The following SINHCAF variants were observed in gnomAD, a reference collection of about 807,000 sequenced individuals.
SINHCAF encodes SIN3-HDAC complex-associated factor.
Under a neutral mutation model 25.8 loss-of-function variants are expected in SINHCAF, and 3 were observed. That is an observed-to-expected ratio of 0.12 (90% CI 0.05 to 0.30). The LOEUF is 0.30. SINHCAF is among the 10% of genes least tolerant of loss of function. The probability of loss-of-function intolerance (pLI) is 1.00; values close to 1 mark genes in which losing one functional copy is unlikely to be tolerated. For synonymous variants in SINHCAF, 70 were observed against 85.5 expected (o/e 0.82, Z 1.00); for missense variants, 121 against 262.3 (o/e 0.46, Z 3.72).
At chr12:31,311,843 C>A in intron 1 of SINHCAF, 1 of 478,816 alleles carries the variant, frequency 2.1e-6, no homozygotes, top group Non-Finnish European at 4.1e-6. Flanking sequence ...AATGTTGTCC[C>A]AGCGTTGATG....
intron 1 of SINHCAF, among the ~76,000 whole-genome samples, chr12:31,300,967 C>T (rs1160743059): frequency 6.6e-6 from 1 of 152,152 alleles, no homozygotes; most frequent in Non-Finnish European, 1.5e-5. Context: ...AATCCTATTA[C>T]GACAGACAGA....
At chr12:31,287,354 A>G (rs1938123599) in intron 5 of SINHCAF, among the ~76,000 whole-genome samples, 2 of 152,112 alleles carry the variant, frequency 1.3e-5, no homozygotes, top group Non-Finnish European at 2.9e-5. Context: ...TTGAAGGACC[A>G]ACTCTTAGTT....
chr12:31,323,626 T>C (rs147149501), intron 1 of SINHCAF, among the ~76,000 whole-genome samples: 4 of 152,168 alleles, frequency 2.6e-5, no homozygotes, highest in Non-Finnish European at 4.4e-5. Flanking sequence ...CAGAACAAAC[T>C]GCACCGCCCT....
At chr12:31,303,852 AATTAAATAG>A (rs1399772354) in intron 1 of SINHCAF, 2 of 152,230 alleles carry the variant, frequency 1.3e-5, no homozygotes, top group African/African-American at 4.8e-5. Context: ...ATAGGAAGCC[AATTAAATAG>A]ATCATTGAGA....
At chr12:31,319,974 C>T (rs1391819159) in intron 1 of SINHCAF, among the ~76,000 whole-genome samples, 3 of 152,160 alleles carry the variant, frequency 2.0e-5, no homozygotes, top group Non-Finnish European at 4.4e-5. Context: ...CTCTGCATGG[C>T]CCTCCATCAA....
chr12:31,300,574 AT>A (rs1007784039), intron 1 of SINHCAF, among the ~76,000 whole-genome samples: 1 of 151,910 alleles, frequency 6.6e-6, no homozygotes, highest in Admixed American at 6.6e-5. Flanking sequence ...AATGAGGCAG[AT>A]TTTTTTTTCT....
At chr12:31,291,986 C>T (rs779565229) in intron 4 of SINHCAF, among the ~76,000 whole-genome samples, 1 of 152,176 alleles carries the variant, frequency 6.6e-6, no homozygotes. Flanking sequence ...AATCTACACA[C>T]CTTATTATCA....
intron 1 of SINHCAF, among the ~76,000 whole-genome samples, chr12:31,305,696 A>ATTTTTTTTTTTT (rs751436938): frequency 7.6e-6 from 1 of 130,796 alleles, no homozygotes; most frequent in Non-Finnish European, 1.6e-5. Context: ...ATATAGGCCA[A>ATTTTTTTTTTTT]TTTTTTTTTT....
chr12:31,287,829 A>T, intron 4 of SINHCAF, 45 bp from the exon 5 acceptor site: 1 of 1,435,924 alleles, frequency 7.0e-7, no homozygotes, highest in Non-Finnish European at 9.6e-7. Flanking sequence ...CAATTTCATT[A>T]CATGTAATTG....
At chr12:31,291,935 A>G (rs1938347757) in intron 4 of SINHCAF, among the ~76,000 whole-genome samples, 1 of 152,226 alleles carries the variant, frequency 6.6e-6, no homozygotes, top group Non-Finnish European at 1.5e-5. Flanking sequence ...AGCAATTTAT[A>G]CTGTACCTGG....
chr12:31,298,067 G>A lies in SINHCAF; in HGVS notation c.128+10C>T, dbSNP rs559259201. 15 of 1,613,114 alleles carry A rather than the reference G, an allele frequency of 9.3e-6. No individual in the cohort carries two copies. In the African/African-American group the frequency reaches 1.2e-4, roughly 13 times the overall value. Reference sequence around the variant, plus strand: ...ACTCTAAGAATAGTACAAACATCAGGTGATCTTACCCAAAACAGCTCTGGA... The same window carrying A: ...ACTCTAAGAATAGTACAAACATCAGATGATCTTACCCAAAACAGCTCTGGA... On this transcript the variant is annotated intron_variant, in intron 2 of 5. Coordinates refer to ENST00000337682, the MANE Select transcript of SINHCAF (RefSeq NM_001135812.2).
At chr12:31,314,224 T>C (rs1426523711) in intron 1 of SINHCAF, among the ~76,000 whole-genome samples, 1 of 151,508 alleles carries the variant, frequency 6.6e-6, no homozygotes, top group African/African-American at 2.4e-5. Flanking sequence ...CCTGGAGAGT[T>C]AGAAAGATGA....
chr12:31,318,910 T>C (rs1229684950), intron 1 of SINHCAF, among the ~76,000 whole-genome samples: 1 of 152,230 alleles, frequency 6.6e-6, no homozygotes, highest in Non-Finnish European at 1.5e-5. Context: ...ATTCTGTTTA[T>C]TTCCTTGAAT....
chr12:31,306,141 T>A (rs935306582), intron 1 of SINHCAF, among the ~76,000 whole-genome samples: 1 of 152,188 alleles, frequency 6.6e-6, no homozygotes, highest in Non-Finnish European at 1.5e-5. Flanking sequence ...GGATGGGCAA[T>A]TGCATTACCC....
At chr12:31,313,395 G>A (rs988267508) in intron 1 of SINHCAF, among the ~76,000 whole-genome samples, 1 of 152,160 alleles carries the variant, frequency 6.6e-6, no homozygotes, top group African/African-American at 2.4e-5. Flanking sequence ...GGCTGTATCT[G>A]AATGCTCTAT....
intron 1 of SINHCAF, chr12:31,311,588 C>A: frequency 3.2e-6 from 1 of 308,492 alleles, no homozygotes; most frequent in South Asian, 3.3e-5. Context: ...GTGAGTGGGT[C>A]CCGCAGCCCC....
chr12:31,289,726 T>C (rs964516602), intron 4 of SINHCAF, among the ~76,000 whole-genome samples: 2 of 152,042 alleles, frequency 1.3e-5, no homozygotes, highest in African/African-American at 4.8e-5. Flanking sequence ...AATCAAGTAC[T>C]TATTAAATAT....
At chr12:31,311,199 A>G (rs1939253943) in intron 1 of SINHCAF, among the ~76,000 whole-genome samples, 1 of 152,128 alleles carries the variant, frequency 6.6e-6, no homozygotes, top group South Asian at 2.1e-4. Context: ...AGCTGCTCAT[A>G]CCCACGCGTC....
At chr12:31,321,202 T>C (rs181852373) in intron 1 of SINHCAF, among the ~76,000 whole-genome samples, 4 of 152,280 alleles carry the variant, frequency 2.6e-5, no homozygotes, top group Non-Finnish European at 5.9e-5. Flanking sequence ...TCTCAATTTA[T>C]AACACCCCAA....
Sources: allele counts gnomAD v4.1 joint callset (sites outside exome capture counted in the v4.1 genomes callset), GRCh38; gene constraint gnomAD v4.1.1; transcripts MANE v1.5; gene names NCBI Gene and HGNC (gene_info 2026-07-23, HGNC 2026-07-21).